Variants in FDXR observed in about 807,000 individuals in gnomAD.
The protein encoded by FDXR is NADPH:adrenodoxin oxidoreductase, mitochondrial.
A neutral mutation model predicts 58.3 loss-of-function variants in FDXR; 38 were observed. That is an observed-to-expected ratio of 0.65 (90% CI 0.50 to 0.85). The LOEUF is 0.85. FDXR is among the 40% of genes least tolerant of loss of function. The pLI is 0.00. For missense variants in FDXR, 624 were observed against 671.0 expected, an observed-to-expected ratio of 0.93 and a Z score of 0.77; for synonymous variants, 275 against 273.8, an observed-to-expected ratio of 1.00 and a Z score of -0.04.
At position 74,863,176 on chromosome 17, in the gene FDXR, G is replaced by T. The variant is rs2038035065; in HGVS notation, c.1245C>A (p.Phe415Leu). ...GVIATTMTDS[F>L]LTGQMLLQDL... ...CCTGCAGCAGCATCTGGCCGGTGAG[G>T]AAGCTGTCAGTCATGGTTGTGGCTA... Residue 415 changes from phenylalanine to leucine, a missense_variant, in exon 11 of 12, where the codon TTC (phenylalanine) becomes TTA (leucine). Physicochemically the swap from Phe to Leu is conservative, Grantham distance 22. Transcript: ENST00000293195. The T allele has an allele frequency of 1.2e-6, 2 of 1,613,946 alleles. No individual in the cohort carries two copies.
intron 2 of FDXR, chr17:74,868,839 G>T (rs2038281100): frequency 8.3e-7 from 1 of 1,208,124 alleles, no homozygotes; most frequent in Admixed American, 2.8e-5. Flanking sequence ...TGAACTTGCT[G>T]ATGACTTTCT....
At chr17:74,867,376 A>C (rs886638036) in intron 2 of FDXR, among the ~76,000 whole-genome samples, 10 of 149,052 alleles carry the variant, frequency 6.7e-5, no homozygotes, top group South Asian at 2.2e-4. Context: ...AAATGTGGCC[A>C]GCTGACAAGG....
chr17:74,865,301 T>C (rs2038137912), intron 6 of FDXR, among the ~76,000 whole-genome samples: 1 of 151,930 alleles, frequency 6.6e-6, no homozygotes, highest in African/African-American at 2.4e-5. Context: ...GTGTGTAAAA[T>C]TGCTGTGGCG....
At chr17:74,863,365 CTG>C in intron 10 of FDXR, 119 bp from the exon 11 acceptor site, 1 of 1,001,268 alleles carries the variant, frequency 1.0e-6, no homozygotes, top group Non-Finnish European at 1.5e-6. Flanking sequence ...TCTTGGCAGA[CTG>C]TCGGCTGAGC....
Position 74,866,572 on chromosome 17 carries a change from C to A in FDXR, c.271-4G>T, listed in dbSNP as rs1447042256. 1 of 1,613,472 alleles carries A rather than the reference C, an allele frequency of 6.2e-7. No individual in the cohort carries two copies. The highest frequency in any genetic ancestry group is 1.1e-5 in the South Asian group (1 of 91,082). ...GGGTAAATGTGTTGATGACATTCTGCCAGGTCCCCCGGGAATGGGAGGGGT... is the reference window on the plus strand; with the variant it reads ...GGGTAAATGTGTTGATGACATTCTGACAGGTCCCCCGGGAATGGGAGGGGT... On this transcript the variant is annotated splice_polypyrimidine_tract_variant and splice_region_variant and intron_variant, in intron 3 of 11. Transcript: ENST00000293195.
Position 74,862,946 on chromosome 17 carries a change from C to G in FDXR, c.1347G>C (p.Gly449=). The G allele has an allele frequency of 6.2e-7, 1 of 1,611,580 alleles. No homozygotes were observed. Among genetic ancestry groups the G allele is most frequent in the Non-Finnish European group, 8.5e-7 (1 of 1,179,902 alleles). ...AAIQALLSSR[G]VRPVSFSDWE... ...AGTCTGAGAAAGAGACTGGCCGGACCCCTGAAGCAGAGGGGAGATTGTCAA... is the reference window on the plus strand; with the variant it reads ...AGTCTGAGAAAGAGACTGGCCGGACGCCTGAAGCAGAGGGGAGATTGTCAA... Residue 449 remains glycine, a splice_region_variant and synonymous_variant, in exon 12 of 12, where the codon GGG becomes GGC. Transcript: ENST00000293195.
chr17:74,865,847 C>G (rs780285418), intron 5 of FDXR, 27 bp from the exon 6 acceptor site: 1 of 1,551,384 alleles, frequency 6.4e-7, no homozygotes, highest in Non-Finnish European at 8.9e-7. Flanking sequence ...TTGATAGGGT[C>G]CCCCAGCCTC....
rs1567909915 is a variant in FDXR, at chr17:74,864,502, C to CAA, written c.778_779dup (p.Leu260PhefsTer18). The stretch of plus-strand genomic sequence containing the variant: ...CACCCTTGATCTTGTCCTGGAGACC[C>CAA]AAGAAATCCACAGGATCCAAAATGG... On this transcript the variant is annotated frameshift_variant, in exon 8 of 12. Transcript: ENST00000293195. LOFTEE classifies it high-confidence loss of function. The CAA allele has an allele frequency of 6.2e-7, 1 of 1,614,090 alleles. No homozygotes were observed. The highest frequency in any genetic ancestry group is 1.1e-5 in the South Asian group (1 of 91,078).
intron 1 of FDXR, 89 bp from the exon 2 acceptor site, chr17:74,872,222 C>T (rs901235539): frequency 7.1e-6 from 11 of 1,550,238 alleles, no homozygotes; most frequent in Non-Finnish European, 6.1e-6. Context: ...GAAGCTGGAA[C>T]TTCCCAAGCT....
chr17:74,863,329 G>C, intron 10 of FDXR, 83 bp from the exon 11 acceptor site: 2 of 1,351,754 alleles, frequency 1.5e-6, no homozygotes, highest in Non-Finnish European at 1.0e-6. Context: ...CTACACCCAC[G>C]TGCACGCACA....
At chr17:74,871,954 G>C in intron 2 of FDXR, 82 bp downstream of exon 2, 1 of 1,045,600 alleles carries the variant, frequency 9.6e-7, no homozygotes, top group Non-Finnish European at 1.4e-6. Flanking sequence ...AACCAGGAGT[G>C]CTCTTAAAAC....
intron 2 of FDXR, among the ~76,000 whole-genome samples, chr17:74,871,683 A>C (rs377182787): frequency 6.6e-6 from 1 of 152,266 alleles, no homozygotes; most frequent in Non-Finnish European, 1.5e-5. Context: ...GAGATGTAGG[A>C]TGTTTGGGAT....
In FDXR at chr17:74,865,013, G is replaced by A. The variant is rs574307590; in HGVS notation, c.610-82C>T. On this transcript the variant is annotated intron_variant, in intron 6 of 11. Transcript: ENST00000293195. ...TCCATTTGGTCATGTCCCCACCGTGGGCCTGGAGAAGGCTGGCGGCTCAAA... is the reference window on the plus strand; with the variant it reads ...TCCATTTGGTCATGTCCCCACCGTGAGCCTGGAGAAGGCTGGCGGCTCAAA... 6 of 1,596,602 alleles carry A rather than the reference G, an allele frequency of 3.8e-6. No homozygotes were observed. In the South Asian group the frequency reaches 4.4e-5, roughly 12 times the overall value.
In FDXR at chr17:74,872,801, C is replaced by G. The variant is rs748392980; in HGVS notation, c.79+65G>C. 7.8e-5 allele frequency: 120 copies of G among 1,540,204 alleles called. 1 individual carries two copies. The highest frequency in any genetic ancestry group is 7.9e-5 in the Admixed American group (4 of 50,946). On this transcript the variant is annotated intron_variant, in intron 1 of 11. Coordinates refer to ENST00000293195, the MANE Select transcript of FDXR (RefSeq NM_024417.5). ...CAGCCCTGCCCCAGCTCTGCTCCGA[C>G]CCCTACTCAGCGCTCGCAGGCCTCC...
At chr17:74,870,094 T>C in intron 2 of FDXR, 1 of 388,690 alleles carries the variant, frequency 2.6e-6, no homozygotes, top group Admixed American at 2.4e-5. Flanking sequence ...GCCAGTAGCT[T>C]GGAGCTCCCT....
In FDXR at chr17:74,862,676, G is replaced by T; in HGVS notation, c.*141C>A. ...GGGCGACCTTCCCCAGGAGGGAGGA[G>T]AGACGCTGGAAGAGCAGCCAAGCCT... On this transcript the variant is annotated 3_prime_UTR_variant, in exon 12 of 12. Coordinates refer to ENST00000293195, the MANE Select transcript of FDXR (RefSeq NM_024417.5). 8.5e-7 allele frequency: 1 copy of T among 1,182,758 alleles called. No individual in the cohort carries two copies. 73.3% of individuals were successfully genotyped at this position (1,182,758 alleles called of 1,614,324 possible). A position where few individuals can be genotyped will look rare whatever the true frequency, so the allele number is the denominator to read the frequency against.
chr17:74,867,093 G>A (rs1246157581), intron 2 of FDXR: 3 of 995,886 alleles, frequency 3.0e-6, no homozygotes, highest in Non-Finnish European at 4.3e-6. Context: ...GATAACCTGA[G>A]GTCAGGAGTT....
chr17:74,870,516 C>CCA (rs2038337693), intron 2 of FDXR, among the ~76,000 whole-genome samples: 1 of 54,982 alleles, frequency 1.8e-5, no homozygotes, highest in South Asian at 1.1e-3. Flanking sequence ...GACTCCATCT[C>CCA]AAAAAAAAAA....
Position 74,872,880 on chromosome 17 carries a change from GC to G in FDXR, c.64del (p.Ala22ProfsTer37). On this transcript the variant is annotated frameshift_variant, in exon 1 of 12. Transcript: ENST00000293195. LOFTEE classifies it high-confidence loss of function. ...SAWPRTRLPP[A>X]GSTPSFCHHF... ...CCTGCTCCTACTCGGGGTGCTCCCG[GC>G]GGGAGGCAGCCGGGTCCGAGGCCAC... The G allele has an allele frequency of 6.5e-7, 1 of 1,548,930 alleles. No homozygotes were observed. The highest frequency in any genetic ancestry group is 8.7e-7 in the Non-Finnish European group (1 of 1,147,428).
Sources: gnomAD v4.1 joint callset for allele counts (sites outside exome capture counted in the v4.1 genomes callset) on GRCh38, gnomAD v4.1.1 for gene constraint, MANE v1.5 for transcripts, NCBI Gene and HGNC (gene_info 2026-07-23, HGNC 2026-07-21) for gene names.